The following CLIP4 variants were observed in gnomAD, a reference collection of about 807,000 sequenced individuals.
CLIP4 encodes the protein CAP-Gly domain containing linker protein family member 4.
Under a neutral mutation model 73.1 loss-of-function variants are expected in CLIP4, and 47 were observed. That is an observed-to-expected ratio of 0.64 (90% CI 0.51 to 0.82). CLIP4 has a LOEUF of 0.82. Ranked by LOEUF, CLIP4 falls within the 40% of genes least tolerant of loss-of-function variation. The pLI is 0.00. For missense variants in CLIP4, 874 were observed against 852.9 expected (o/e 1.02, Z -0.31); for synonymous variants, 306 against 295.4 (o/e 1.04, Z -0.37).
chr2:29,139,856 A>G (rs1377104201), intron 6 of CLIP4, among the ~76,000 whole-genome samples: 1 of 150,258 alleles, frequency 6.7e-6, no homozygotes, highest in East Asian at 1.9e-4. Context: ...ATCATTTCCA[A>G]TTGTGCTTAT....
chr2:29,150,643 C>CTTTTTTTTTTTTTTTTTTTTTTTTTTTTT (rs34553625), intron 8 of CLIP4, among the ~76,000 whole-genome samples: 1 of 80,234 alleles, frequency 1.2e-5, no homozygotes, highest in African/African-American at 4.4e-5. Flanking sequence ...TTGATTTGCT[C>CTTTTTTTTTTTTTTTTTTTTTTTTTTTTT]TTTTTTTTTT....
chr2:29,100,296 C>T (rs1047927855), intron 1 of CLIP4, among the ~76,000 whole-genome samples: 10 of 151,880 alleles, frequency 6.6e-5, no homozygotes, highest in Admixed American at 5.9e-4. Flanking sequence ...TCATTGATTT[C>T]TTCTGTCTCT....
At chr2:29,100,399 G>T (rs572421337) in intron 1 of CLIP4, among the ~76,000 whole-genome samples, 5 of 151,872 alleles carry the variant, frequency 3.3e-5, no homozygotes, top group Non-Finnish European at 7.4e-5. Flanking sequence ...AAATCGAGCC[G>T]ACAGTATGGA....
At chr2:29,103,886 T>C (rs907011609) in intron 1 of CLIP4, among the ~76,000 whole-genome samples, 2 of 151,910 alleles carry the variant, frequency 1.3e-5, no homozygotes, top group African/African-American at 4.8e-5. Flanking sequence ...GTTAATTTTT[T>C]TTTTATTTTT....
At chr2:29,157,059 G>A in intron 10 of CLIP4, 145 bp from the exon 11 acceptor site, 1 of 663,570 alleles carries the variant, frequency 1.5e-6, no homozygotes. Context: ...TTGCTATTTG[G>A]ATGAAATTAG....
chr2:29,179,236 G>A (rs1668516705), intron 15 of CLIP4, among the ~76,000 whole-genome samples: 1 of 152,104 alleles, frequency 6.6e-6, no homozygotes, highest in African/African-American at 2.4e-5. Context: ...CTGCTTTGAA[G>A]TTTTACTTTT....
At chr2:29,146,994 TTTTG>T (rs545968683) in intron 8 of CLIP4, among the ~76,000 whole-genome samples, 106 of 152,214 alleles carry the variant, frequency 7.0e-4, no homozygotes, top group African/African-American at 2.3e-3. Context: ...TTAAAACTTT[TTTTG>T]TTTGTTTATA....
intron 7 of CLIP4, among the ~76,000 whole-genome samples, chr2:29,144,734 T>TG (rs1322291629): frequency 6.6e-6 from 1 of 151,312 alleles, no homozygotes; most frequent in East Asian, 1.9e-4. Flanking sequence ...ATAGGGAGCT[T>TG]GGTATGGAGA....
At chr2:29,168,101 A>G (rs1228212204) in intron 14 of CLIP4, among the ~76,000 whole-genome samples, 2 of 152,204 alleles carry the variant, frequency 1.3e-5, no homozygotes, top group Non-Finnish European at 2.9e-5. Flanking sequence ...GCCATGGACC[A>G]GAGCCTCTGC....
At chr2:29,175,576 C>G (rs1038751531) in intron 15 of CLIP4, 5 of 152,138 alleles carry the variant, frequency 3.3e-5, no homozygotes, top group African/African-American at 1.2e-4. Flanking sequence ...AGAAAACAAT[C>G]TGAGCCCTGG....
At chr2:29,109,828 T>C (rs928089945) in intron 1 of CLIP4, among the ~76,000 whole-genome samples, 2 of 151,778 alleles carry the variant, frequency 1.3e-5, no homozygotes, top group Non-Finnish European at 2.9e-5. Context: ...GAGGCTGAGG[T>C]GGGTGGATCA....
chr2:29,127,987 C>T (rs1057415643), intron 2 of CLIP4, among the ~76,000 whole-genome samples: 12 of 151,980 alleles, frequency 7.9e-5, no homozygotes, highest in Admixed American at 2.6e-4. Context: ...GAATTTCATA[C>T]AATTTCTAAA....
intron 8 of CLIP4, among the ~76,000 whole-genome samples, chr2:29,148,141 G>T (rs959001063): frequency 2.6e-5 from 4 of 152,170 alleles, no homozygotes; most frequent in Admixed American, 1.3e-4. Context: ...CAGGGGTCAT[G>T]TGTTGGATTG....
chr2:29,179,530 T>A (rs1447990032), intron 15 of CLIP4, among the ~76,000 whole-genome samples: 1 of 152,202 alleles, frequency 6.6e-6, no homozygotes, highest in Non-Finnish European at 1.5e-5. Flanking sequence ...GCACATAGCT[T>A]AGTTTTTCTG....
At position 29,160,324 on chromosome 2, in the gene CLIP4, C is replaced by G. The variant is rs1667203715; in HGVS notation, c.1400-9C>G. ...GCCCTGCCCCTGTATCCCTCCCTGA[C>G]TTAAACAGGTTTGAATTCCTCAGCA... On this transcript the variant is annotated splice_polypyrimidine_tract_variant and intron_variant, in intron 11 of 15. Coordinates refer to ENST00000320081, the MANE Select transcript of CLIP4 (RefSeq NM_024692.6). 6.2e-7 allele frequency: 1 copy of G among 1,613,894 alleles called. No individual in the cohort carries two copies. The highest frequency in any genetic ancestry group is 1.3e-5 in the African/African-American group (1 of 74,896).
chr2:29,152,852 C>T, intron 9 of CLIP4, 24 bp downstream of exon 9: 1 of 1,606,626 alleles, frequency 6.2e-7, no homozygotes, highest in Non-Finnish European at 8.5e-7. Context: ...GAAAGTTAAC[C>T]ATCTGCTTCA....
rs114560108 is a variant in CLIP4, at chr2:29,141,442, T to C, written c.649-2267T>C. Among the ~76,000 whole-genome samples the C allele has an allele frequency of 3.7e-3, 567 of 152,364 alleles. 7 individuals are homozygous for C. Among genetic ancestry groups the C allele is most frequent in the African/African-American group, 0.013 (521 of 41,580 alleles). ...GGGTGTTGAAGTCACCCACTATTAT[T>C]GTGTGACTATCTACATCTTTTTGTA... is the stretch of plus-strand genomic sequence containing the variant. On this transcript the variant is annotated intron_variant, in intron 6 of 15. Transcript: ENST00000320081.
At chr2:29,102,832 G>C (rs1169749016) in intron 1 of CLIP4, among the ~76,000 whole-genome samples, 2 of 152,058 alleles carry the variant, frequency 1.3e-5, no homozygotes, top group Non-Finnish European at 2.9e-5. Flanking sequence ...CGCCATGTTG[G>C]CCAGGCTGGT....
chr2:29,143,143 C>T (rs369730183), intron 6 of CLIP4, among the ~76,000 whole-genome samples: 9 of 152,218 alleles, frequency 5.9e-5, no homozygotes, highest in Admixed American at 2.6e-4. Flanking sequence ...GGCTGGGAAG[C>T]GTCAGTCCTG....
Sources: gnomAD v4.1 joint callset for allele counts (sites outside exome capture counted in the v4.1 genomes callset) on GRCh38, gnomAD v4.1.1 for gene constraint, MANE v1.5 for transcripts, NCBI Gene and HGNC (gene_info 2026-07-23, HGNC 2026-07-21) for gene names.